Variants in SALL3 observed in about 807,000 individuals in gnomAD.
SALL3 encodes the protein spalt like transcription factor 3, also known as sal-like protein 3.
SALL3 carries 25 observed loss-of-function variants against 66.2 expected under a neutral mutation model. The ratio of observed to expected loss-of-function variants is 0.38; its 90% CI spans 0.28 to 0.53. The LOEUF (loss-of-function observed/expected upper bound fraction) is 0.53, where lower values mean the gene tolerates loss of function less well. Ranked by LOEUF, SALL3 falls within the 20% of genes least tolerant of loss-of-function variation. The pLI is 0.85. For missense variants in SALL3, 2,194 were observed against 1,916.5 expected (o/e 1.14, Z -2.70); for synonymous variants, 1,152 against 899.1 (o/e 1.28, Z -5.03).
At chr18:78,990,771 TG>T (rs1361570763) in intron 1 of SALL3, among the ~76,000 whole-genome samples, 1 of 152,230 alleles carries the variant, frequency 6.6e-6, no homozygotes, top group Non-Finnish European at 1.5e-5. Context: ...TCACTCCATC[TG>T]TAAGTTGACA....
rs1227392848 is a variant in SALL3 at position 78,992,924 on chromosome 18, C to G, written c.933C>G (p.Pro311=). Residue 311 remains proline, a synonymous_variant, in exon 2 of 3, where the codon CCC becomes CCG. Transcript: ENST00000537592. ...GCGGCCCTGCGGAGCCCAGCGCGCCCGCCGCCCCCAGCGCCGCCCCTGCCC... is the reference window on the plus strand; with the variant it reads ...GCGGCCCTGCGGAGCCCAGCGCGCCGGCCGCCCCCAGCGCCGCCCCTGCCC... ...TPGGPAEPSA[P]AAPSAAPAPA... The G allele has an allele frequency of 1.0e-6, 1 of 999,976 alleles. No homozygotes were observed. The highest frequency in any genetic ancestry group is 6.1e-5 in the Admixed American group (1 of 16,272). The allele number at this position is 999,976 out of a possible 1,614,324, so 61.9% of individuals were successfully genotyped here.
chr18:78,980,459 A>G, intron 1 of SALL3, 103 bp downstream of exon 1: 1 of 661,750 alleles, frequency 1.5e-6, no homozygotes, highest in Non-Finnish European at 2.1e-6. Flanking sequence ...GGAGCGGGAG[A>G]AAGTTCCCTG....
At chr18:78,983,159 C>A (rs891329258) in intron 1 of SALL3, among the ~76,000 whole-genome samples, 2 of 152,120 alleles carry the variant, frequency 1.3e-5, no homozygotes, top group Non-Finnish European at 2.9e-5. Flanking sequence ...TTGAGACATT[C>A]CTAACAGAAA....
Position 78,994,908 on chromosome 18 carries a change from A to G in SALL3, c.2917A>G (p.Lys973Glu), listed in dbSNP as rs1457996552. 6.2e-7 allele frequency: 1 copy of G among 1,613,142 alleles called. No individual in the cohort carries two copies. The highest frequency in any genetic ancestry group is 8.5e-7 in the Non-Finnish European group (1 of 1,179,876). ...SLLFLSRERG[K>E]CPSTVCGVCG... ...GCTGTTCCTGAGCAGGGAGCGGGGT[A>G]AGTGTCCCAGCACTGTGTGTGGTGT... Residue 973 changes from lysine (K) to glutamate (E), a missense_variant, in exon 2 of 3, where the codon AAG (lysine) becomes GAG (glutamate). Physicochemically the swap from Lys to Glu is moderately conservative, Grantham distance 56 (BLOSUM62 1). Coordinates refer to ENST00000537592, the MANE Select transcript of SALL3 (RefSeq NM_171999.4).
intron 1 of SALL3, among the ~76,000 whole-genome samples, chr18:78,986,467 G>T (rs542983550): frequency 2.0e-5 from 3 of 152,192 alleles, no homozygotes; most frequent in Non-Finnish European, 2.9e-5. Flanking sequence ...CACAGTAGGG[G>T]TCTCTATTTG....
intron 1 of SALL3, among the ~76,000 whole-genome samples, chr18:78,984,800 T>C (rs755519133): frequency 2.5e-4 from 38 of 152,348 alleles, no homozygotes; most frequent in Non-Finnish European, 3.7e-4. Context: ...GATTGATTTG[T>C]TTCTTAATTA....
rs1186927608 is a variant in SALL3, at chr18:78,994,533, A to G, written c.2542A>G (p.Lys848Glu). The G allele has an allele frequency of 6.7e-7, 1 of 1,500,816 alleles. No homozygotes were observed. Among genetic ancestry groups the G allele is most frequent in the Non-Finnish European group, 9.0e-7 (1 of 1,113,420 alleles). The allele number at this position is 1,500,816 out of a possible 1,614,324, so 93.0% of individuals were successfully genotyped here. The change falls in exon 2 of 3, where the codon AAG becomes GAG. Residue 848 changes from lysine to glutamate, a missense_variant. Transcript: ENST00000537592. ...SSIAALENQM[K>E]MIDSVMSCQQ... is the part of the protein sequence containing the mutation. ...CATTGCCGCCCTGGAGAACCAGATG[A>G]AGATGATCGACTCGGTCATGAGCTG...
intron 2 of SALL3, among the ~76,000 whole-genome samples, chr18:78,996,276 T>C (rs961117579): frequency 2.0e-5 from 3 of 152,224 alleles, no homozygotes; most frequent in African/African-American, 7.2e-5. Flanking sequence ...TGATGGCTGC[T>C]TTCTGTCGTC....
chr18:78,980,129 C>T lies in SALL3; in HGVS notation c.-146C>T, dbSNP rs563214617. The T allele has an allele frequency of 9.2e-4, 143 of 154,686 alleles. No homozygotes were observed. Among genetic ancestry groups the T allele is most frequent in the African/African-American group, 3.4e-3 (138 of 40,932 alleles). 9.6% of individuals were successfully genotyped at this position (154,686 alleles called of 1,614,324 possible). ...TAATGGCCATGCATTATTCACCAGC[C>T]TAATTGCTCAGCCCCATGCGCGGCC... is the stretch of plus-strand genomic sequence containing the variant. On this transcript the variant is annotated 5_prime_UTR_variant, in exon 1 of 3. Coordinates refer to ENST00000537592, the MANE Select transcript of SALL3 (RefSeq NM_171999.4).
At position 78,979,826 on chromosome 18, in the gene SALL3, C is replaced by T. The variant is rs1599167490; in HGVS notation, c.-449C>T. Among the ~76,000 whole-genome samples the T allele has an allele frequency of 1.4e-5, 2 of 144,364 alleles. No individual in the cohort carries two copies. The highest frequency in any genetic ancestry group is 2.1e-4 in the South Asian group (1 of 4,724). 94.7% of individuals were successfully genotyped at this position (144,364 alleles called of 152,430 possible). A position where few individuals can be genotyped will look rare whatever the true frequency, so the allele number is the denominator to read the frequency against. ...GAGCCCGGCGCGCCGGCGGAGACGG[C>T]GCCGCGCGGACGCCGCCAAAGTTTG... is the stretch of plus-strand genomic sequence containing the variant. On this transcript the variant is annotated 5_prime_UTR_variant, in exon 1 of 3. Transcript: ENST00000537592.
Position 78,980,230 on chromosome 18 carries a change from CG to C in SALL3, c.-44del. ...CCCGCGCCGTCCCCGCCGGCCGCCC[CG>C]CTGATGCCGCTGCCCCGCGCGGGGC... On this transcript the variant is annotated 5_prime_UTR_variant, in exon 1 of 3. The change creates a premature stop within an existing upstream ORF in the 5' untranslated region. Coordinates refer to ENST00000537592, the MANE Select transcript of SALL3 (RefSeq NM_171999.4). The C allele has an allele frequency of 9.8e-7, 1 of 1,016,020 alleles. No individual in the cohort carries two copies. The highest frequency in any genetic ancestry group is 1.2e-6 in the Non-Finnish European group (1 of 842,754). 62.9% of individuals were successfully genotyped at this position (1,016,020 alleles called of 1,614,324 possible). A position where few individuals can be genotyped will look rare whatever the true frequency, so the allele number is the denominator to read the frequency against.
intron 1 of SALL3, 175 bp from the exon 2 acceptor site, chr18:78,991,899 G>A (rs914953154): frequency 1.7e-4 from 84 of 489,274 alleles, no homozygotes; most frequent in Non-Finnish European, 2.7e-4. Context: ...GATGGATTGG[G>A]CTAAGAAAAT....
intron 2 of SALL3, among the ~76,000 whole-genome samples, chr18:78,996,496 T>C (rs1161813095): frequency 6.6e-6 from 1 of 151,780 alleles, no homozygotes; most frequent in Non-Finnish European, 1.5e-5. Context: ...AGTCAGAGAG[T>C]CCCAGCAGCA....
At chr18:78,983,690 C>T (rs936746374) in intron 1 of SALL3, among the ~76,000 whole-genome samples, 1 of 152,170 alleles carries the variant, frequency 6.6e-6, no homozygotes, top group Non-Finnish European at 1.5e-5. Flanking sequence ...TCTGTATATG[C>T]ATGGTTTGCC....
rs1914742621 is a variant in SALL3 at position 78,997,550 on chromosome 18, A to AG, written c.*228_*229insG. 1.8e-6 allele frequency: 1 copy of AG among 540,820 alleles called. No individual in the cohort carries two copies. Among genetic ancestry groups the AG allele is most frequent in the East Asian group, 2.9e-5 (1 of 34,704 alleles). 33.5% of individuals were successfully genotyped at this position (540,820 alleles called of 1,614,324 possible). ...TTTTAAATAAGCTTCCTTCAAAAAA[A>AG]AAAGTGCTTGGAAAACCGCCTTAGG... On this transcript the variant is annotated 3_prime_UTR_variant, in exon 3 of 3. Coordinates refer to ENST00000537592, the MANE Select transcript of SALL3 (RefSeq NM_171999.4).
At chr18:78,986,631 T>G (rs1914254971) in intron 1 of SALL3, among the ~76,000 whole-genome samples, 1 of 152,214 alleles carries the variant, frequency 6.6e-6, no homozygotes, top group Non-Finnish European at 1.5e-5. Context: ...GCTTTCTGGA[T>G]TTTTAAGAGA....
Position 78,992,255 on chromosome 18 carries a change from G to A in SALL3, c.264G>A (p.Ala88=). Residue 88 remains alanine (A), a synonymous_variant, in exon 2 of 3, where the codon GCG becomes GCA. Transcript: ENST00000537592. ...TGATCGTGCACGAGGACGCGCCCGC[G>A]CCGCCCCCCGAGGACTTCCCCGAGC... ...PVLIVHEDAP[A]PPPEDFPEPS... is the part of the protein sequence containing the mutation. 3 of 1,572,848 alleles carry A rather than the reference G, an allele frequency of 1.9e-6. No individual in the cohort carries two copies. The highest frequency in any genetic ancestry group is 1.7e-6 in the Non-Finnish European group (2 of 1,165,502).
chr18:78,991,529 T>C (rs947025511), intron 1 of SALL3, among the ~76,000 whole-genome samples: 2 of 152,224 alleles, frequency 1.3e-5, no homozygotes, highest in Admixed American at 6.5e-5. Flanking sequence ...GCCCATTGGC[T>C]CAGAGGTTCT....
chr18:78,987,165 A>T (rs749461519), intron 1 of SALL3, among the ~76,000 whole-genome samples: 6 of 152,180 alleles, frequency 3.9e-5, no homozygotes, highest in Non-Finnish European at 8.8e-5. Flanking sequence ...CACATATTAC[A>T]ATGATGTTTT....
Sources: allele counts gnomAD v4.1 joint callset (sites outside exome capture counted in the v4.1 genomes callset), GRCh38; gene constraint gnomAD v4.1.1; transcripts MANE v1.5; gene names NCBI Gene and HGNC (gene_info 2026-07-23, HGNC 2026-07-21).